Variants in ALOXE3 observed in about 807,000 individuals in gnomAD.
The protein encoded by ALOXE3 is arachidonate epidermal lipoxygenase 3.
Under a neutral mutation model 87.5 loss-of-function variants are expected in ALOXE3, and 78 were observed. The observed-to-expected ratio is 0.89, with a 90% confidence interval of 0.74 to 1.08. The LOEUF is 1.08. Among genes scored for constraint, ALOXE3 ranks in the 50% least tolerant of loss-of-function variants. The probability of loss-of-function intolerance (pLI) is 0.00; values close to 1 mark genes in which losing one functional copy is unlikely to be tolerated. For missense variants in ALOXE3, 946 were observed against 912.4 expected (o/e 1.04, Z -0.47); for synonymous variants, 363 against 370.8 (o/e 0.98, Z 0.24).
At position 8,117,848 on chromosome 17, in the gene ALOXE3, C is replaced by T; in HGVS notation, c.143G>A (p.Gly48Glu). The T allele has an allele frequency of 6.2e-7, 1 of 1,610,758 alleles. No homozygotes were observed. Among genetic ancestry groups the T allele is most frequent in the East Asian group, 2.2e-5 (1 of 44,860 alleles). ...CCCTGTCTCCTTTGTACTCACCGAT[C>T]CAGGGGCGAAGTCCCTGCCCATTCG... ...LDRMGRDFAPGSVQKYKVRCT... is the reference protein window; with the variant it reads ...LDRMGRDFAPESVQKYKVRCT... The change falls in exon 2 of 16, where the codon GGA becomes GAA. Residue 48 changes from glycine (G) to glutamate (E), a missense_variant. By Grantham distance (98) the Gly-to-Glu change is moderately conservative. Coordinates refer to ENST00000448843, the MANE Select transcript of ALOXE3 (RefSeq NM_021628.3).
chr17:8,102,621 G>A (rs772050391), intron 15 of ALOXE3, among the ~76,000 whole-genome samples: 39 of 152,036 alleles, frequency 2.6e-4, no homozygotes, highest in Non-Finnish European at 4.9e-4. Flanking sequence ...GTGATTTCTC[G>A]CCTTCGCTCC....
rs779397006 is a variant in ALOXE3, at chr17:8,111,405, A to G, written c.911T>C (p.Val304Ala). ...PSKLPVTNDM[V>A]APLLGQDTCL... ...TGTGTCCTGTCCCAGCAAGGGGGCC[A>G]CCATGTCATTGGTGACAGGCAGCTT... The change falls in exon 8 of 16, where the codon GTG (valine) becomes GCG (alanine). Residue 304 changes from valine to alanine, a missense_variant. Coordinates refer to ENST00000448843, the MANE Select transcript of ALOXE3 (RefSeq NM_021628.3). 14 of 1,613,864 alleles carry G rather than the reference A, an allele frequency of 8.7e-6. No homozygotes were observed. In the Admixed American group the frequency reaches 2.3e-4, roughly 27 times the overall value.
At chr17:8,113,950 A>G (rs951094855) in intron 6 of ALOXE3, among the ~76,000 whole-genome samples, 6 of 150,826 alleles carry the variant, frequency 4.0e-5, no homozygotes, top group Admixed American at 6.6e-5. Context: ...GCTTGAACCC[A>G]GGAGGCAGAG....
intron 2 of ALOXE3, among the ~76,000 whole-genome samples, chr17:8,117,246 G>C (rs1318056524): frequency 6.6e-6 from 1 of 152,126 alleles, no homozygotes; most frequent in Admixed American, 6.5e-5. Context: ...CGATGAAACC[G>C]CTTCTCTACT....
Position 8,109,438 on chromosome 17 carries a change from C to T in ALOXE3, c.1393-95G>A, listed in dbSNP as rs1325106641. On this transcript the variant is annotated intron_variant, in intron 11 of 15. Transcript: ENST00000448843. ...GGCTGGGGACTCGGCCCAAGGAGGG[C>T]CTTCTTCGGTTCACCAAGCAATCCA... 2.6e-6 allele frequency: 4 copies of T among 1,519,480 alleles called. No individual in the cohort carries two copies. In the Admixed American group the frequency reaches 7.6e-5, roughly 29 times the overall value. 94.1% of individuals were successfully genotyped at this position (1,519,480 alleles called of 1,614,324 possible). A position where few individuals can be genotyped will look rare whatever the true frequency, so the allele number is the denominator to read the frequency against.
In ALOXE3 at chr17:8,107,966, GAGAGAGAGAGAGAGAGAAAGAAAGA is replaced by G. The variant is rs1383641378; in HGVS notation, c.1684+477_1684+501del. On this transcript the variant is annotated intron_variant, in intron 13 of 15. Coordinates refer to ENST00000448843, the MANE Select transcript of ALOXE3 (RefSeq NM_021628.3). ...GAAAGAAAGAAAGAAAGAAAGGAAG[GAGAGAGAGAGAGAGAGAAAGAAAGA>G]AAGGAAGGAAAGAAAGAAAGAAAGA... is the stretch of plus-strand genomic sequence containing the variant. 1.7e-3 allele frequency among the ~76,000 whole-genome samples: 11 copies of G among 6,468 alleles called. 1 individual carries two copies. Among genetic ancestry groups the G allele is most frequent in the African/African-American group, 4.0e-3 (7 of 1,732 alleles). The allele number at this position is 6,468 out of a possible 152,430, so 4.2% of individuals were successfully genotyped here. A position where few individuals can be genotyped will look rare whatever the true frequency, so the allele number is the denominator to read the frequency against.
intron 15 of ALOXE3, among the ~76,000 whole-genome samples, chr17:8,100,899 G>C (rs1286412592): frequency 6.6e-6 from 1 of 152,210 alleles, no homozygotes; most frequent in Non-Finnish European, 1.5e-5. Context: ...TGGATTCAAA[G>C]CCTACTTACT....
At chr17:8,110,802 C>G (rs1029765778) in intron 8 of ALOXE3, among the ~76,000 whole-genome samples, 1 of 152,202 alleles carries the variant, frequency 6.6e-6, no homozygotes, top group Non-Finnish European at 1.5e-5. Context: ...CCTTCCCACT[C>G]TCAACTCAGA....
intron 15 of ALOXE3, among the ~76,000 whole-genome samples, chr17:8,102,447 C>T (rs1301298985): frequency 2.0e-5 from 3 of 151,982 alleles, no homozygotes; most frequent in African/African-American, 4.8e-5. Flanking sequence ...GAGCTGATAT[C>T]GCACCATTGC....
chr17:8,111,397 AG>A lies in ALOXE3; in HGVS notation c.918del (p.Leu307CysfsTer12), dbSNP rs755700113. ...TGCAGGCATGTGTCCTGTCCCAGCA[AG>A]GGGGCCACCATGTCATTGGTGACAG... ...KLPVTNDMVA[P>X]LLGQDTCLQT... On this transcript the variant is annotated frameshift_variant, in exon 8 of 16. Transcript: ENST00000448843. LOFTEE classifies it high-confidence loss of function. 1 of 1,613,828 alleles carries A rather than the reference AG, an allele frequency of 6.2e-7. No individual in the cohort carries two copies. The highest frequency in any genetic ancestry group is 2.2e-5 in the East Asian group (1 of 44,878).
Position 8,108,067 on chromosome 17 carries a change from G to GAAAGAAAT in ALOXE3, c.1684+400_1684+401insATTTCTTT, listed in dbSNP as rs1429262328. Among the ~76,000 whole-genome samples the GAAAGAAAT allele has an allele frequency of 3.4e-4, 20 of 58,292 alleles. 5 individuals are homozygous for GAAAGAAAT. Among genetic ancestry groups the GAAAGAAAT allele is most frequent in the African/African-American group, 6.6e-4 (9 of 13,592 alleles). 38.2% of individuals were successfully genotyped at this position (58,292 alleles called of 152,430 possible). A position where few individuals can be genotyped will look rare whatever the true frequency, so the allele number is the denominator to read the frequency against. ...AGAAAGAAAGAAAGAAAGAAAGAAA[G>GAAAGAAAT]GAAGAGAGGTTGGTGGCTGGAGGGG... On this transcript the variant is annotated intron_variant, in intron 13 of 15. Transcript: ENST00000448843.
chr17:8,107,840 A>AGGTTGGTGGCTG (rs1491185832), intron 13 of ALOXE3, among the ~76,000 whole-genome samples: 27 of 4,448 alleles, frequency 6.1e-3, no homozygotes, highest in South Asian at 0.014. Context: ...AAAGAAAGAA[A>AGGTTGGTGGCTG]GAAAGAAAGA....
chr17:8,103,666 G>A (rs775835005), intron 14 of ALOXE3, among the ~76,000 whole-genome samples, 173 bp from the exon 15 acceptor site: 12 of 152,066 alleles, frequency 7.9e-5, no homozygotes, highest in Non-Finnish European at 1.5e-4. Context: ...GGCAAGAGAG[G>A]AAAGGGTAGG....
intron 3 of ALOXE3, 117 bp from the exon 4 acceptor site, chr17:8,115,805 C>T (rs1980534893): frequency 5.9e-6 from 6 of 1,013,672 alleles, no homozygotes; most frequent in South Asian, 1.3e-5. Context: ...CCCTGTGAAA[C>T]ACGTGGCGGT....
intron 11 of ALOXE3, 142 bp from the exon 12 acceptor site, chr17:8,109,485 C>T (rs1041398207): frequency 1.2e-5 from 14 of 1,148,118 alleles, no homozygotes; most frequent in Admixed American, 8.4e-5. Flanking sequence ...CCCACGAGGG[C>T]CTGCCTGACG....
At chr17:8,100,143 G>A (rs145037848) in intron 15 of ALOXE3, among the ~76,000 whole-genome samples, 389 of 151,838 alleles carry the variant, frequency 2.6e-3, no homozygotes, top group African/African-American at 9.1e-3. Flanking sequence ...GGGAGAGGGG[G>A]GAGGGAGGGA....
At chr17:8,110,048 C>T in intron 10 of ALOXE3, 44 bp downstream of exon 10, 1 of 1,578,956 alleles carries the variant, frequency 6.3e-7, no homozygotes, top group South Asian at 1.1e-5. Flanking sequence ...GGGACAAGGC[C>T]GCCCGGCCCC....
intron 13 of ALOXE3, among the ~76,000 whole-genome samples, chr17:8,107,679 G>A (rs1256939809): frequency 3.3e-5 from 5 of 150,864 alleles, no homozygotes; most frequent in Non-Finnish European, 7.4e-5. Flanking sequence ...GGTGCCTGTA[G>A]TCCCAGCTAC....
Position 8,107,965 on chromosome 17 carries a change from G to GAAA in ALOXE3, c.1684+502_1684+503insTTT, listed in dbSNP as rs1491345142. Among the ~76,000 whole-genome samples the GAAA allele has an allele frequency of 9.5e-4, 6 of 6,288 alleles. 2 individuals carry two copies. Among genetic ancestry groups the GAAA allele is most frequent in the African/African-American group, 2.9e-3 (6 of 2,082 alleles). The allele number at this position is 6,288 out of a possible 152,430, so 4.1% of individuals were successfully genotyped here. A position where few individuals can be genotyped will look rare whatever the true frequency, so the allele number is the denominator to read the frequency against. On this transcript the variant is annotated intron_variant, in intron 13 of 15. Transcript: ENST00000448843. Reference sequence around the variant, plus strand: ...AGAAAGAAAGAAAGAAAGAAAGGAAGGAGAGAGAGAGAGAGAGAAAGAAAG... The same window carrying GAAA: ...AGAAAGAAAGAAAGAAAGAAAGGAAGAAAGAGAGAGAGAGAGAGAGAAAGAAAG...
Sources: gnomAD v4.1 joint callset for allele counts (sites outside exome capture counted in the v4.1 genomes callset) on GRCh38, gnomAD v4.1.1 for gene constraint, MANE v1.5 for transcripts, NCBI Gene and HGNC (gene_info 2026-07-23, HGNC 2026-07-21) for gene names.